Variants in CPXM2 observed in about 807,000 individuals in gnomAD.
The protein encoded by CPXM2 is inactive carboxypeptidase-like protein X2.
In CPXM2, 66 loss-of-function variants were observed where a neutral mutation model predicts 86.1. The ratio of observed to expected loss-of-function variants is 0.77; its 90% CI spans 0.63 to 0.94. The LOEUF is 0.94. Ranked by LOEUF, CPXM2 falls within the 40% of genes least tolerant of loss-of-function variation. The pLI is 0.00. For synonymous variants in CPXM2, 388 were observed against 400.2 expected (o/e 0.97, Z 0.36); for missense variants, 948 against 1,026.3 (o/e 0.92, Z 1.04).
At chr10:123,942,843 G>C (rs964009660), upstream of CPXM2, among the ~76,000 whole-genome samples, 1 of 152,198 alleles carries the variant, frequency 6.6e-6, no homozygotes, top group South Asian at 2.1e-4. Context: ...TTGGGGTCTG[G>C]ATGGGAACCC....
chr10:123,862,628 T>TCCCTCGATGTGCCCCCAGGCCATAG lies in CPXM2; in HGVS notation c.474_498dup (p.Arg167LeufsTer17). On this transcript the variant is annotated frameshift_variant, in exon 3 of 14. Coordinates refer to ENST00000241305, the MANE Select transcript of CPXM2 (RefSeq NM_198148.3). LOFTEE classifies it high-confidence loss of function. The stretch of plus-strand genomic sequence containing the variant: ...GGGCCAGGTACCTGGATGTTGAGTC[T>TCCCTCGATGTGCCCCCAGGCCATAG]CCCTCGATGTGCCCCCAGGCCATAG... The TCCCTCGATGTGCCCCCAGGCCATAG allele has an allele frequency of 6.2e-7, 1 of 1,614,120 alleles. No homozygotes were observed. The highest frequency in any genetic ancestry group is 2.2e-5 in the East Asian group (1 of 44,884).
intron 4 of CPXM2, among the ~76,000 whole-genome samples, chr10:123,806,145 T>G (rs1309970296): frequency 1.3e-5 from 2 of 152,208 alleles, no homozygotes; most frequent in Non-Finnish European, 2.9e-5. Flanking sequence ...GCCTTTGCTA[T>G]TTCTTTTAAA....
intron 2 of CPXM2, among the ~76,000 whole-genome samples, chr10:123,909,761 C>T (rs1945473281): frequency 6.6e-6 from 1 of 152,190 alleles, no homozygotes; most frequent in Admixed American, 6.5e-5. Flanking sequence ...TATAACCACT[C>T]TCCTCTTCCT....
chr10:123,880,043 C>T (rs569482678), intron 2 of CPXM2, among the ~76,000 whole-genome samples, 168 bp downstream of exon 2: 2 of 152,160 alleles, frequency 1.3e-5, no homozygotes, highest in Admixed American at 6.5e-5. Flanking sequence ...CAGAAGCTGC[C>T]GTGAATGTTC....
chr10:123,907,924 A>G (rs1349191384), intron 2 of CPXM2, among the ~76,000 whole-genome samples: 1 of 152,150 alleles, frequency 6.6e-6, no homozygotes, highest in Admixed American at 6.6e-5. Context: ...AGAGAGGGGA[A>G]GCAGGAGGAA....
intron 2 of CPXM2, among the ~76,000 whole-genome samples, chr10:123,927,768 G>A (rs1241485740): frequency 6.6e-6 from 1 of 152,238 alleles, no homozygotes; most frequent in Non-Finnish European, 1.5e-5. Context: ...GTTACCCCCA[G>A]ATGAGTACAA....
intron 2 of CPXM2, among the ~76,000 whole-genome samples, chr10:123,927,157 T>C (rs1056830286): frequency 6.6e-6 from 1 of 152,108 alleles, no homozygotes; most frequent in African/African-American, 2.4e-5. Context: ...CATGCCAAGC[T>C]CCAGCTCACC....
chr10:123,768,839 C>A, intron 8 of CPXM2, 117 bp from the exon 9 acceptor site: 3 of 855,326 alleles, frequency 3.5e-6, no homozygotes, highest in South Asian at 3.4e-5. Flanking sequence ...CCGTTTTAGA[C>A]CTATTTGTTC....
intron 11 of CPXM2, among the ~76,000 whole-genome samples, chr10:123,758,145 G>T (rs989659968): frequency 2.6e-5 from 4 of 152,206 alleles, no homozygotes; most frequent in African/African-American, 9.6e-5. Flanking sequence ...AGGACAGGAA[G>T]CCCCAGCCTA....
At chr10:123,889,701 T>A (rs940632216) in intron 1 of CPXM2, among the ~76,000 whole-genome samples, 1 of 152,144 alleles carries the variant, frequency 6.6e-6, no homozygotes, top group African/African-American at 2.4e-5. Flanking sequence ...TTGCAAACGA[T>A]GATGAAGTTA....
intron 2 of CPXM2, among the ~76,000 whole-genome samples, chr10:123,927,762 C>A (rs954699624): frequency 6.6e-6 from 1 of 152,180 alleles, no homozygotes; most frequent in African/African-American, 2.4e-5. Flanking sequence ...GGCTTTGTTA[C>A]CCCCAGATGA....
chr10:123,754,668 C>T lies in CPXM2; in HGVS notation c.2012G>A (p.Arg671Gln), dbSNP rs746636608. 3.2e-6 allele frequency: 5 copies of T among 1,557,836 alleles called. No individual in the cohort carries two copies. Among genetic ancestry groups the T allele is most frequent in the East Asian group, 4.5e-5 (2 of 44,620 alleles). ...CTGCACACATTTGCAGTTACCTGTTCGGATGTCATGGTTAATGCCTTCTAC... is the reference window on the plus strand; with the variant it reads ...CTGCACACATTTGCAGTTACCTGTTTGGATGTCATGGTTAATGCCTTCTAC... ...ISVEGINHDI[R>Q]TANDGDYWRL... The change falls in exon 13 of 14, where the codon CGA becomes CAA. Residue 671 changes from arginine to glutamine, a missense_variant. Physicochemically the swap from Arg to Gln is conservative, Grantham distance 43. Transcript: ENST00000241305. The surrounding 1 kb of genome is among the most constrained non-coding windows in gnomAD (Gnocchi z 4.0).
intron 2 of CPXM2, 150 bp from the exon 3 acceptor site, chr10:123,862,873 T>A (rs1038214184): frequency 5.9e-6 from 4 of 677,722 alleles, no homozygotes; most frequent in African/African-American, 3.6e-5. Flanking sequence ...TTGATTGAAC[T>A]GTCAACATTA....
chr10:123,855,690 G>C (rs187143541), intron 3 of CPXM2, among the ~76,000 whole-genome samples: 17 of 152,286 alleles, frequency 1.1e-4, no homozygotes, highest in Non-Finnish European at 2.2e-4. Context: ...GTCTTCATGC[G>C]GGGGTACAAA....
intron 2 of CPXM2, among the ~76,000 whole-genome samples, chr10:123,868,053 G>C (rs1944825785): frequency 6.6e-6 from 1 of 152,206 alleles, no homozygotes; most frequent in African/African-American, 2.4e-5. Flanking sequence ...AGCCACAGGG[G>C]CTAGGGTAAA....
intron 2 of CPXM2, among the ~76,000 whole-genome samples, chr10:123,934,689 G>C (rs1945698572): frequency 6.6e-6 from 1 of 152,134 alleles, no homozygotes; most frequent in African/African-American, 2.4e-5. Context: ...GAACAAGCCT[G>C]ATGGGGAAGC....
At chr10:123,840,715 G>T (rs985765330) in intron 4 of CPXM2, among the ~76,000 whole-genome samples, 1 of 152,098 alleles carries the variant, frequency 6.6e-6, no homozygotes, top group Non-Finnish European at 1.5e-5. Context: ...AATTTTGCTG[G>T]ATGTTATAAT....
chr10:123,891,685 A>C lies in CPXM2; in HGVS notation c.-26T>G. ...GCCTGCTCCGCCCCGCGCCCAGGGC[A>C]GGGTCACGGTCACCGGGGGCGCCGG... is the stretch of plus-strand genomic sequence containing the variant. On this transcript the variant is annotated 5_prime_UTR_variant, in exon 1 of 14. Coordinates refer to ENST00000241305, the MANE Select transcript of CPXM2 (RefSeq NM_198148.3). The surrounding 1 kb of genome is among the most constrained non-coding windows in gnomAD (Gnocchi z 5.6). 7.5e-7 allele frequency: 1 copy of C among 1,337,652 alleles called. No individual in the cohort carries two copies. The highest frequency in any genetic ancestry group is 2.0e-5 in the South Asian group (1 of 49,874). 82.9% of individuals were successfully genotyped at this position (1,337,652 alleles called of 1,614,324 possible). A position where few individuals can be genotyped will look rare whatever the true frequency, so the allele number is the denominator to read the frequency against.
At chr10:123,936,071 T>TTTACCATCATCACCAGC in intron 2 of CPXM2, among the ~76,000 whole-genome samples, 1 of 2,572 alleles carries the variant, frequency 3.9e-4, no homozygotes. Flanking sequence ...TCATCACCAC[T>TTTACCATCATCACCAGC]ATCTTTACCA....
Sources: allele counts gnomAD v4.1 joint callset (sites outside exome capture counted in the v4.1 genomes callset), GRCh38; gene constraint gnomAD v4.1.1; non-coding constraint Gnocchi (gnomAD v3.1); transcripts MANE v1.5; gene names NCBI Gene and HGNC (gene_info 2026-07-23, HGNC 2026-07-21).